Variants in ZCCHC4 observed in about 807,000 individuals in gnomAD.
ZCCHC4 encodes zinc finger CCHC-type containing 4.
A neutral mutation model predicts 67.7 loss-of-function variants in ZCCHC4; 54 were observed. The ratio of observed to expected loss-of-function variants is 0.80; its 90% CI spans 0.64 to 1.00. The LOEUF is 1.00. Ranked by LOEUF, ZCCHC4 falls within the 50% of genes least tolerant of loss-of-function variation. ZCCHC4 has a pLI of 0.00. For synonymous variants in ZCCHC4, 198 were observed against 213.5 expected, an observed-to-expected ratio of 0.93 and a Z score of 0.63; for missense variants, 609 against 617.0, an observed-to-expected ratio of 0.99 and a Z score of 0.14.
chr4:25,322,115 A>G (rs1231480424), intron 3 of ZCCHC4, among the ~76,000 whole-genome samples: 2 of 152,162 alleles, frequency 1.3e-5, no homozygotes, highest in Admixed American at 1.3e-4. Flanking sequence ...AAATGATGAA[A>G]TAGAGTGGTT....
At chr4:25,329,106 G>T (rs1003780180) in intron 3 of ZCCHC4, among the ~76,000 whole-genome samples, 1 of 152,018 alleles carries the variant, frequency 6.6e-6, no homozygotes, top group African/African-American at 2.4e-5. Flanking sequence ...AGGACTGCTT[G>T]AGTCTGGGAG....
At chr4:25,358,924 C>T (rs1050084405) in intron 8 of ZCCHC4, among the ~76,000 whole-genome samples, 4 of 152,230 alleles carry the variant, frequency 2.6e-5, no homozygotes, top group African/African-American at 7.2e-5. Flanking sequence ...TACAATTCCT[C>T]GAGTCTTTTT....
chr4:25,363,938 G>A (rs1421412785), intron 10 of ZCCHC4, among the ~76,000 whole-genome samples: 1 of 152,120 alleles, frequency 6.6e-6, no homozygotes, highest in African/African-American at 2.4e-5. Context: ...TCTTGACCTG[G>A]TGGGTTTTAT....
intron 3 of ZCCHC4, among the ~76,000 whole-genome samples, chr4:25,315,757 A>G (rs1286391675): frequency 2.0e-5 from 3 of 147,376 alleles, no homozygotes; most frequent in Non-Finnish European, 3.0e-5. Context: ...TGTGTTGCCC[A>G]GGCTGAAGTG....
At chr4:25,357,458 C>CAATG (rs1481381280) in intron 8 of ZCCHC4, among the ~76,000 whole-genome samples, 2 of 152,204 alleles carry the variant, frequency 1.3e-5, no homozygotes, top group South Asian at 2.1e-4. Flanking sequence ...ACTCACCATA[C>CAATG]TGACAGCCAG....
intron 8 of ZCCHC4, among the ~76,000 whole-genome samples, chr4:25,354,886 C>CCATA (rs1720452514): frequency 2.7e-5 from 4 of 148,156 alleles, no homozygotes; most frequent in African/African-American, 2.5e-5. Flanking sequence ...AGATCTTTTC[C>CCATA]CATAGACCTT....
At chr4:25,319,317 A>G (rs1206901261) in intron 3 of ZCCHC4, among the ~76,000 whole-genome samples, 6 of 152,098 alleles carry the variant, frequency 3.9e-5, no homozygotes, top group Non-Finnish European at 5.9e-5. Context: ...CCTGGGAGGC[A>G]GAGCTTGTAG....
chr4:25,322,794 A>G (rs1718652768), intron 3 of ZCCHC4, among the ~76,000 whole-genome samples: 1 of 152,238 alleles, frequency 6.6e-6, no homozygotes, highest in Non-Finnish European at 1.5e-5. Context: ...CTGGGATTAC[A>G]GGCATGAACC....
chr4:25,330,487 A>G (rs574240726), intron 3 of ZCCHC4, among the ~76,000 whole-genome samples: 2 of 152,182 alleles, frequency 1.3e-5, no homozygotes, highest in East Asian at 3.8e-4. Context: ...TTAGCAAACT[A>G]CTACCTGTAG....
chr4:25,329,603 C>T (rs901635605), intron 3 of ZCCHC4, among the ~76,000 whole-genome samples: 1 of 144,950 alleles, frequency 6.9e-6, no homozygotes, highest in African/African-American at 2.6e-5. Context: ...GGCGTGATCT[C>T]GGCTCACTGC....
At chr4:25,316,560 A>G (rs1166119907) in intron 3 of ZCCHC4, among the ~76,000 whole-genome samples, 6 of 152,146 alleles carry the variant, frequency 3.9e-5, no homozygotes, top group Non-Finnish European at 8.8e-5. Context: ...TTTGTTTTTT[A>G]TCAAATTACT....
chr4:25,361,783 C>A, intron 8 of ZCCHC4, 76 bp from the exon 9 acceptor site: 2 of 1,402,782 alleles, frequency 1.4e-6, no homozygotes, highest in Non-Finnish European at 1.9e-6. Flanking sequence ...TCAGTTTGTT[C>A]GTTTATTGGT....
intron 3 of ZCCHC4, among the ~76,000 whole-genome samples, chr4:25,332,854 T>G (rs1475352183): frequency 6.6e-6 from 1 of 152,202 alleles, no homozygotes; most frequent in Non-Finnish European, 1.5e-5. Context: ...GATTTGTCAA[T>G]AAATTTAAAC....
At position 25,365,003 on chromosome 4, in the gene ZCCHC4, C is replaced by G. The variant is rs1421355575; in HGVS notation, c.1262-19C>G. ...TACGTTACATGAACTTCCTTTAAAACTTAATTTTTATTTTACAGCCTGGAT... is the reference window on the plus strand; with the variant it reads ...TACGTTACATGAACTTCCTTTAAAAGTTAATTTTTATTTTACAGCCTGGAT... On this transcript the variant is annotated intron_variant, in intron 11 of 12. Coordinates refer to ENST00000302874, the MANE Select transcript of ZCCHC4 (RefSeq NM_024936.3). 9.3e-6 allele frequency: 15 copies of G among 1,611,588 alleles called. No individual in the cohort carries two copies. Among genetic ancestry groups the G allele is most frequent in the Non-Finnish European group, 1.2e-5 (14 of 1,179,240 alleles).
intron 5 of ZCCHC4, among the ~76,000 whole-genome samples, chr4:25,339,021 A>C (rs1399351506): frequency 6.6e-6 from 1 of 152,182 alleles, no homozygotes; most frequent in Non-Finnish European, 1.5e-5. Context: ...AGGTTTTAGC[A>C]GGTTTGGTTT....
intron 3 of ZCCHC4, among the ~76,000 whole-genome samples, chr4:25,326,356 T>G (rs6832360): frequency 0.44 from 66,297 of 152,136 alleles, 16,391 homozygotes; most frequent in Non-Finnish European, 0.56. Flanking sequence ...GATAACCTCC[T>G]CATCTTAAGA....
intron 3 of ZCCHC4, among the ~76,000 whole-genome samples, chr4:25,328,680 C>T (rs982097246): frequency 2.0e-5 from 3 of 151,908 alleles, no homozygotes; most frequent in African/African-American, 4.8e-5. Context: ...CTCCCAGGCT[C>T]GAGCAGTCCC....
intron 8 of ZCCHC4, among the ~76,000 whole-genome samples, chr4:25,360,542 AT>A (rs1720689784): frequency 6.6e-6 from 1 of 152,244 alleles, no homozygotes; most frequent in Non-Finnish European, 1.5e-5. Flanking sequence ...GACATTGTGC[AT>A]ACGACTTGCC....
At chr4:25,362,053 C>CT in intron 9 of ZCCHC4, 73 bp downstream of exon 9, 1 of 1,535,674 alleles carries the variant, frequency 6.5e-7, no homozygotes, top group Non-Finnish European at 8.8e-7. Flanking sequence ...CAGTCAAATG[C>CT]TTTCAGTATT....
Sources: gnomAD v4.1 joint callset for allele counts (sites outside exome capture counted in the v4.1 genomes callset) on GRCh38, gnomAD v4.1.1 for gene constraint, MANE v1.5 for transcripts, NCBI Gene and HGNC (gene_info 2026-07-23, HGNC 2026-07-21) for gene names.